AP3D1: variants seen among roughly 807,000 people sequenced by gnomAD.
AP3D1 encodes the protein adaptor related protein complex 3 subunit delta 1.
A neutral mutation model predicts 147.6 loss-of-function variants in AP3D1; 51 were observed. That is an observed-to-expected ratio of 0.35 (90% CI 0.28 to 0.44). AP3D1 has a LOEUF of 0.44. Among genes scored for constraint, AP3D1 ranks in the 20% least tolerant of loss-of-function variants. The pLI is 1.00. For synonymous variants in AP3D1, 760 were observed against 663.0 expected (o/e 1.15, Z -2.25); for missense variants, 1,421 against 1,624.2 (o/e 0.87, Z 2.15).
At chr19:2,156,761 A>C (rs2019648640) in intron 1 of AP3D1, among the ~76,000 whole-genome samples, 1 of 152,132 alleles carries the variant, frequency 6.6e-6, no homozygotes, top group Admixed American at 6.6e-5. Flanking sequence ...AGGCAGGAGA[A>C]TCGCTTGAAC....
Position 2,109,926 on chromosome 19 carries a change from G to A in AP3D1, c.3297C>T (p.Asp1099=). 1 of 1,613,830 alleles carries A rather than the reference G, an allele frequency of 6.2e-7. No individual in the cohort carries two copies. Among genetic ancestry groups the A allele is most frequent in the Non-Finnish European group, 8.5e-7 (1 of 1,180,012 alleles). ...NDEGATHEKL[D]FRLHFSCSSY... ...AGCTGCAGCTGAAGTGCAGCCTGAA[G>A]TCCAGCTTCTCGTGGGTCGCACCCT... The change falls in exon 29 of 32, where the codon GAC becomes GAT. Residue 1099 remains aspartate, a synonymous_variant. Coordinates refer to ENST00000643116, the MANE Select transcript of AP3D1 (RefSeq NM_001261826.3).
chr19:2,118,554 C>G (rs764175182), intron 15 of AP3D1, 47 bp downstream of exon 15: 1 of 1,564,494 alleles, frequency 6.4e-7, no homozygotes, highest in Non-Finnish European at 8.7e-7. Flanking sequence ...CAGAAAGGCA[C>G]TGAGGGCTCC....
At chr19:2,156,074 A>C (rs953276467), upstream of AP3D1, among the ~76,000 whole-genome samples, 1 of 151,604 alleles carries the variant, frequency 6.6e-6, no homozygotes, top group Admixed American at 6.6e-5. Flanking sequence ...AAAAGAAAAA[A>C]GAAAAAGGAA....
chr19:2,104,685 T>TTTTTG (rs1348471702), intron 31 of AP3D1, among the ~76,000 whole-genome samples: 13 of 150,056 alleles, frequency 8.7e-5, no homozygotes, highest in Non-Finnish European at 1.8e-4. Flanking sequence ...TTTTTTTTTT[T>TTTTTG]TTTTGGAGTC....
rs766877798 is a variant in AP3D1 at position 2,116,210 on chromosome 19, C to A, written c.2070G>T (p.Gln690His). 3.2e-5 allele frequency: 51 copies of A among 1,614,036 alleles called. No individual in the cohort carries two copies. The Admixed American group carries it at 8.3e-4, about 26-fold the overall frequency. ...GGCACCCGGGGACGGGCCTCACCTT[C>A]TGTGGCGATGGCGAGCTCTTGATGT... ...PFYIKSSPSP[Q>H]KRYQDTPGVE... The change falls in exon 18 of 32, where the codon CAG (glutamine) becomes CAT (histidine). Residue 690 changes from glutamine to histidine, a missense_variant. Coordinates refer to ENST00000643116, the MANE Select transcript of AP3D1 (RefSeq NM_001261826.3).
chr19:2,121,880 C>A lies in AP3D1; in HGVS notation c.956-1G>T. ...ATTGCCAGCAGCCCCAGGTACTTCA[C>A]TGCAGAGAGAGGCCAGAGCCGGGTC... is the stretch of plus-strand genomic sequence containing the variant. On this transcript the variant is annotated splice_acceptor_variant, in intron 11 of 31. Transcript: ENST00000643116. LOFTEE classifies it high-confidence loss of function. 6.2e-7 allele frequency: 1 copy of A among 1,603,188 alleles called. No homozygotes were observed. Among genetic ancestry groups the A allele is most frequent in the Non-Finnish European group, 8.5e-7 (1 of 1,176,094 alleles).
upstream of AP3D1, among the ~76,000 whole-genome samples, chr19:2,154,533 T>G (rs2019629892): frequency 6.6e-6 from 1 of 152,122 alleles, no homozygotes; most frequent in Admixed American, 6.6e-5. Flanking sequence ...TGCTTCAGCC[T>G]CCCAAAGTGC....
chr19:2,144,298 G>A (rs748731928), intron 1 of AP3D1, among the ~76,000 whole-genome samples: 5 of 152,142 alleles, frequency 3.3e-5, no homozygotes, highest in Non-Finnish European at 7.3e-5. Context: ...AACAGCCCGG[G>A]ACACCGTCCT....
intron 9 of AP3D1, among the ~76,000 whole-genome samples, chr19:2,125,976 G>T (rs1340644765): frequency 6.6e-6 from 1 of 152,212 alleles, no homozygotes; most frequent in East Asian, 1.9e-4. Context: ...GTGAGACCTT[G>T]TCTCTACCAA....
chr19:2,132,031 G>C (rs982976292), intron 5 of AP3D1, among the ~76,000 whole-genome samples: 1 of 152,156 alleles, frequency 6.6e-6, no homozygotes, highest in African/African-American at 2.4e-5. Flanking sequence ...GATGTTTCTG[G>C]GGCCAAAATT....
intron 31 of AP3D1, among the ~76,000 whole-genome samples, chr19:2,106,441 C>G (rs1245897658): frequency 6.6e-6 from 1 of 152,098 alleles, no homozygotes; most frequent in African/African-American, 2.4e-5. Flanking sequence ...CCCAGCTACT[C>G]AGGAGGCTGA....
chr19:2,120,709 A>G (rs1301077702), intron 14 of AP3D1, among the ~76,000 whole-genome samples, 153 bp downstream of exon 14: 1 of 152,194 alleles, frequency 6.6e-6, no homozygotes, highest in African/African-American at 2.4e-5. Flanking sequence ...GACCATTGTC[A>G]GGGGACAGGT....
chr19:2,138,347 G>A (rs1366274777), intron 2 of AP3D1, among the ~76,000 whole-genome samples: 5 of 152,188 alleles, frequency 3.3e-5, no homozygotes, highest in African/African-American at 7.2e-5. Flanking sequence ...GGCGAGGGGC[G>A]TCCCCAGTGA....
intron 1 of AP3D1, among the ~76,000 whole-genome samples, chr19:2,143,641 C>T (rs2019282067): frequency 6.6e-6 from 1 of 151,890 alleles, no homozygotes; most frequent in Non-Finnish European, 1.5e-5. Context: ...GGTGGCACAT[C>T]GTGTAGTCAC....
rs577220206 is a variant in AP3D1 at position 2,143,629 on chromosome 19, G to A, written c.97-4915C>T. Among the ~76,000 whole-genome samples, 29 of 152,198 alleles carry A rather than the reference G, an allele frequency of 1.9e-4. 1 individual carries two copies. The highest frequency in any genetic ancestry group is 1.9e-3 in the South Asian group (9 of 4,824). On this transcript the variant is annotated intron_variant, in intron 1 of 31. Coordinates refer to ENST00000643116, the MANE Select transcript of AP3D1 (RefSeq NM_001261826.3). ...TCAAAAAATAAAAAATTAGCTGGGCGTGGTGGCACATCGTGTAGTCACAGC... is the reference window on the plus strand; with the variant it reads ...TCAAAAAATAAAAAATTAGCTGGGCATGGTGGCACATCGTGTAGTCACAGC...
chr19:2,137,612 G>C (rs1214305022), intron 3 of AP3D1, 115 bp downstream of exon 3: 1 of 893,496 alleles, frequency 1.1e-6, no homozygotes, highest in Admixed American at 2.1e-5. Flanking sequence ...ATCCACCTTG[G>C]GTAACAGAGC....
At chr19:2,138,779 G>A (rs961889793) in intron 1 of AP3D1, 65 bp from the exon 2 acceptor site, 36 of 1,231,334 alleles carry the variant, frequency 2.9e-5, no homozygotes, top group Admixed American at 1.2e-4. Context: ...TAATGATTTC[G>A]GGCCAGGCAC....
intron 1 of AP3D1, among the ~76,000 whole-genome samples, chr19:2,140,182 C>T (rs1024397536): frequency 6.6e-6 from 1 of 152,090 alleles, no homozygotes; most frequent in Non-Finnish European, 1.5e-5. Flanking sequence ...ACAAAAAGAC[C>T]ATCCCAGGCG....
At chr19:2,159,777 T>C (rs1187123521) in intron 1 of AP3D1, among the ~76,000 whole-genome samples, 2 of 151,638 alleles carry the variant, frequency 1.3e-5, no homozygotes, top group African/African-American at 2.4e-5. Flanking sequence ...CTTGGTTCAC[T>C]GCAAGCTCCA....
Sources: allele counts gnomAD v4.1 joint callset (sites outside exome capture counted in the v4.1 genomes callset), GRCh38; gene constraint gnomAD v4.1.1; transcripts MANE v1.5; gene names NCBI Gene and HGNC (gene_info 2026-07-23, HGNC 2026-07-21).